The following EIF3F variants were observed in gnomAD, a reference collection of about 807,000 sequenced individuals.
EIF3F encodes eukaryotic translation initiation factor 3 subunit F.
A neutral mutation model predicts 36.0 loss-of-function variants in EIF3F; 8 were observed. That is an observed-to-expected ratio of 0.22 (90% CI 0.13 to 0.40). The LOEUF (loss-of-function observed/expected upper bound fraction) is 0.40. Among genes scored for constraint, EIF3F ranks in the 10% least tolerant of loss-of-function variants. EIF3F has a pLI of 1.00. For synonymous variants in EIF3F, 184 were observed against 188.5 expected (o/e 0.98, Z 0.19); for missense variants, 430 against 467.6 (o/e 0.92, Z 0.74).
At chr11:7,993,491 A>G (rs768638567) in intron 4 of EIF3F, among the ~76,000 whole-genome samples, 11 of 152,202 alleles carry the variant, frequency 7.2e-5, no homozygotes, top group Non-Finnish European at 1.6e-4. Flanking sequence ...GTGCAGTTTT[A>G]ATGACAATGA....
intron 1 of EIF3F, 78 bp downstream of exon 1, chr11:7,987,794 T>G: frequency 4.3e-6 from 6 of 1,386,154 alleles, no homozygotes; most frequent in Non-Finnish European, 5.6e-6. Context: ...TCATTAATTC[T>G]TTAATTCCTG....
intron 4 of EIF3F, 107 bp from the exon 5 acceptor site, chr11:7,994,319 C>T: frequency 1.1e-6 from 1 of 948,972 alleles, no homozygotes; most frequent in South Asian, 1.7e-5. Context: ...CCCTTTCTAT[C>T]AGAACCTTGA....
In EIF3F at chr11:7,995,110, G is replaced by A; in HGVS notation, c.874G>A (p.Asp292Asn). Residue 292 changes from aspartate to asparagine, a missense_variant, in exon 6 of 8, where the codon GAT becomes AAT. Physicochemically the swap from Asp to Asn is conservative, Grantham distance 23. This residue lies in a region of EIF3F where 262 missense variants were observed against 347.4 expected (regional missense o/e 0.75). Coordinates refer to ENST00000651655, the MANE Select transcript of EIF3F (RefSeq NM_003754.3). ...ALSTVLQYAE[D>N]VLSGKVSADN... ...GAGTACAGTGTTGCAATATGCAGAGGATGTACTGGTGAGAGGGGAAAGAAA... is the reference window on the plus strand; with the variant it reads ...GAGTACAGTGTTGCAATATGCAGAGAATGTACTGGTGAGAGGGGAAAGAAA... 6.2e-7 allele frequency: 1 copy of A among 1,613,954 alleles called. No homozygotes were observed. The highest frequency in any genetic ancestry group is 8.5e-7 in the Non-Finnish European group (1 of 1,179,890).
Position 7,997,145 on chromosome 11 carries a change from A to G in EIF3F, c.*1123A>G, listed in dbSNP as rs1234824499. Reference sequence around the variant, plus strand: ...AGGAAATATAAGTTATGGGAGTCATAAAGTGTGGATAGTAATGATAGATAA... The same window carrying G: ...AGGAAATATAAGTTATGGGAGTCATGAAGTGTGGATAGTAATGATAGATAA... On this transcript the variant is annotated 3_prime_UTR_variant, in exon 8 of 8. Transcript: ENST00000651655. 1 of 152,232 alleles carries G rather than the reference A, an allele frequency of 6.6e-6. No homozygotes were observed. The highest frequency in any genetic ancestry group is 1.5e-5 in the Non-Finnish European group (1 of 68,042). The allele number at this position is 152,232 out of a possible 1,614,324, so 9.4% of individuals were successfully genotyped here.
intron 1 of EIF3F, among the ~76,000 whole-genome samples, chr11:7,988,317 G>A (rs1299326475): frequency 6.6e-6 from 1 of 152,216 alleles, no homozygotes; most frequent in Non-Finnish European, 1.5e-5. Flanking sequence ...AGCCTGATCT[G>A]TGTCCCTCAG....
In EIF3F at chr11:8,000,520, A is replaced by G. The variant is rs1368731934; in HGVS notation, c.*4498A>G. The G allele has an allele frequency of 1.3e-5, 2 of 152,214 alleles. No homozygotes were observed. Among genetic ancestry groups the G allele is most frequent in the Non-Finnish European group, 2.9e-5 (2 of 68,028 alleles). The allele number at this position is 152,214 out of a possible 1,614,324, so 9.4% of individuals were successfully genotyped here. On this transcript the variant is annotated 3_prime_UTR_variant, in exon 8 of 8. Transcript: ENST00000651655. ...AGTTAATGTATACTTGAAAATTGCT[A>G]GGAGTAGATCTCACCAGGAGAAATG...
intron 4 of EIF3F, among the ~76,000 whole-genome samples, 157 bp from the exon 5 acceptor site, chr11:7,994,269 C>T (rs1248530538): frequency 1.3e-5 from 2 of 152,142 alleles, no homozygotes; most frequent in Non-Finnish European, 2.9e-5. Flanking sequence ...GAGAAAGTAA[C>T]TTTTGCTCCC....
In EIF3F at chr11:7,997,956, TAAA is replaced by T. The variant is rs1012140261; in HGVS notation, c.*1936_*1938del. 6.6e-6 allele frequency: 1 copy of T among 152,208 alleles called. No individual in the cohort carries two copies. Among genetic ancestry groups the T allele is most frequent in the Non-Finnish European group, 1.5e-5 (1 of 68,038 alleles). 9.4% of individuals were successfully genotyped at this position (152,208 alleles called of 1,614,324 possible). A position where few individuals can be genotyped will look rare whatever the true frequency, so the allele number is the denominator to read the frequency against. The stretch of plus-strand genomic sequence containing the variant: ...TATTATAAGTAATCTAGAGATGACT[TAAA>T]AGTATATGAGAAGGTATGCACAGGT... On this transcript the variant is annotated 3_prime_UTR_variant, in exon 8 of 8. Transcript: ENST00000651655.
chr11:7,994,475 C>CT lies in EIF3F; in HGVS notation c.704dup (p.Thr236AspfsTer10). ...GACCATGGGAGTGATGTTCACGCCT[C>CT]TGACAGTGAAATACGCGTACTACGA... On this transcript the variant is annotated frameshift_variant, in exon 5 of 8. Transcript: ENST00000651655. LOFTEE classifies it high-confidence loss of function. 1 of 1,614,106 alleles carries CT rather than the reference C, an allele frequency of 6.2e-7. No homozygotes were observed. The highest frequency in any genetic ancestry group is 8.5e-7 in the Non-Finnish European group (1 of 1,179,986).
At position 7,996,186 on chromosome 11, in the gene EIF3F, A is replaced by C. The variant is rs556962512; in HGVS notation, c.*164A>C. On this transcript the variant is annotated 3_prime_UTR_variant, in exon 8 of 8. Transcript: ENST00000651655. ...TTGTAAATTAATTTCATCTTATGTG[A>C]GTTTATTGCCGGGTGGAAGGGAGGA... 37 of 610,814 alleles carry C rather than the reference A, an allele frequency of 6.1e-5. No individual in the cohort carries two copies. Among genetic ancestry groups the C allele is most frequent in the Admixed American group, 4.1e-4 (14 of 34,166 alleles). 37.8% of individuals were successfully genotyped at this position (610,814 alleles called of 1,614,324 possible).
chr11:7,995,585 C>CG, intron 7 of EIF3F: 1 of 597,708 alleles, frequency 1.7e-6, no homozygotes, highest in South Asian at 2.0e-5. Flanking sequence ...GTCTCATTTA[C>CG]TGCTGATACT....
intron 1 of EIF3F, among the ~76,000 whole-genome samples, chr11:7,989,786 T>C (rs1942071555): frequency 6.6e-6 from 1 of 152,170 alleles, no homozygotes; most frequent in African/African-American, 2.4e-5. Context: ...TTAAAGCAAC[T>C]ACAAGAAGTA....
Position 8,000,446 on chromosome 11 carries a change from T to C in EIF3F, c.*4424T>C, listed in dbSNP as rs1465238706. 1 of 152,114 alleles carries C rather than the reference T, an allele frequency of 6.6e-6. No homozygotes were observed. Among genetic ancestry groups the C allele is most frequent in the Non-Finnish European group, 1.5e-5 (1 of 68,032 alleles). The allele number at this position is 152,114 out of a possible 1,614,324, so 9.4% of individuals were successfully genotyped here. On this transcript the variant is annotated 3_prime_UTR_variant, in exon 8 of 8. Coordinates refer to ENST00000651655, the MANE Select transcript of EIF3F (RefSeq NM_003754.3). ...GTTGGTCAAGGGTACAAAGTTTCAG[T>C]TAAACAGGAGTAGTACGTTCCGGAG...
In EIF3F at chr11:7,998,219, C is replaced by A; in HGVS notation, c.*2197C>A. On this transcript the variant is annotated 3_prime_UTR_variant, in exon 8 of 8. Transcript: ENST00000651655. ...AAATACAGGGTTGGGTTCCTATGAACCTCTGGGCACAGTTTCATCAACCCA... is the reference window on the plus strand; with the variant it reads ...AAATACAGGGTTGGGTTCCTATGAAACTCTGGGCACAGTTTCATCAACCCA... The A allele has an allele frequency of 6.6e-6, 1 of 152,176 alleles. No homozygotes were observed. 9.4% of individuals were successfully genotyped at this position (152,176 alleles called of 1,614,324 possible).
chr11:7,993,209 G>A (rs186277423), intron 4 of EIF3F, among the ~76,000 whole-genome samples, 185 bp downstream of exon 4: 21 of 152,190 alleles, frequency 1.4e-4, no homozygotes, highest in Admixed American at 7.2e-4. Flanking sequence ...AATTTCTACC[G>A]CTGATCCTAG....
rs113494623 is a variant in EIF3F at position 7,994,518 on chromosome 11, G to T, written c.745+1G>T. On this transcript the variant is annotated splice_donor_variant, in intron 5 of 7. Transcript: ENST00000651655. LOFTEE classifies it high-confidence loss of function. ...TACTACGACACTGAACGCATCGGAGGTGAGTAACCTTTCCATACACTCGCG... is the reference window on the plus strand; with the variant it reads ...TACTACGACACTGAACGCATCGGAGTTGAGTAACCTTTCCATACACTCGCG... The T allele has an allele frequency of 6.2e-7, 1 of 1,612,904 alleles. No individual in the cohort carries two copies. The highest frequency in any genetic ancestry group is 8.5e-7 in the Non-Finnish European group (1 of 1,179,414).
intron 1 of EIF3F, among the ~76,000 whole-genome samples, chr11:7,988,393 A>C (rs774924883): frequency 1.2e-4 from 19 of 152,210 alleles, no homozygotes; most frequent in Non-Finnish European, 2.5e-4. Context: ...GGACGCAAAC[A>C]GTTGTATTAT....
At position 7,987,407 on chromosome 11, in the gene EIF3F, C is replaced by T. The variant is rs139608264; in HGVS notation, c.55C>T (p.Pro19Ser). The change falls in exon 1 of 8, where the codon CCG (proline) becomes TCG (serine). Residue 19 changes from proline to serine, a missense_variant. Pro to Ser is a moderately conservative substitution (Grantham distance 74). Around this residue, in one of 2 missense-constraint regions of EIF3F, gnomAD observed 168 missense variants for 120.2 expected, o/e 1.40. Coordinates refer to ENST00000651655, the MANE Select transcript of EIF3F (RefSeq NM_003754.3). ...SAPPATPTPV[P>S]AAAPASVPAP... ...TCCTCCGGCCACGCCAACCCCAGTCCCGGCGGCGGCCCCAGCCTCAGTTCC... is the reference window on the plus strand; with the variant it reads ...TCCTCCGGCCACGCCAACCCCAGTCTCGGCGGCGGCCCCAGCCTCAGTTCC... The T allele has an allele frequency of 2.1e-4, 338 of 1,600,868 alleles. 1 individual carries two copies. In the African/African-American group the frequency reaches 4.1e-3, roughly 19 times the overall value.
rs572813396 is a variant in EIF3F at position 7,995,184 on chromosome 11, G to C, written c.882+66G>C. 3.7e-6 allele frequency: 6 copies of C among 1,605,266 alleles called. No individual in the cohort carries two copies. In the East Asian group the frequency reaches 1.3e-4, roughly 36 times the overall value. ...CTCTATCCTGGGATCACTGAGGCAT[G>C]TGCTGATGAAATGGTAGGGCTCAGT... On this transcript the variant is annotated intron_variant, in intron 6 of 7. Coordinates refer to ENST00000651655, the MANE Select transcript of EIF3F (RefSeq NM_003754.3).
Sources: gnomAD v4.1 joint callset for allele counts (sites outside exome capture counted in the v4.1 genomes callset) on GRCh38, gnomAD v4.1.1 for gene constraint, gnomAD v4.1.1 regional missense constraint, MANE v1.5 for transcripts, NCBI Gene and HGNC (gene_info 2026-07-23, HGNC 2026-07-21) for gene names.